The following OPA3 variants were observed in gnomAD, a reference collection of about 807,000 sequenced individuals.
The protein encoded by OPA3 is optic atrophy 3 protein.
Under a neutral mutation model 4.0 loss-of-function variants are expected in OPA3, and 6 were observed. The observed-to-expected ratio is 1.51, with a 90% CI of 0.83 to 2.99. The LOEUF (loss-of-function observed/expected upper bound fraction) is 2.99. OPA3 is among the 30% of genes most tolerant of loss of function. OPA3 has a pLI of 0.00. For missense variants in OPA3, 235 were observed against 256.2 expected, an observed-to-expected ratio of 0.92 and a Z score of 0.56; for synonymous variants, 105 against 117.1, an observed-to-expected ratio of 0.90 and a Z score of 0.67.
chr19:45,534,148 T>C (rs1431138227), intron 1 of OPA3, among the ~76,000 whole-genome samples: 1 of 152,352 alleles, frequency 6.6e-6, no homozygotes, highest in East Asian at 1.9e-4. Flanking sequence ...ACTCCTCTTA[T>C]TGGACTAAAG....
At chr19:45,543,808 A>G (rs1036758792), downstream of OPA3, among the ~76,000 whole-genome samples, 25 of 152,132 alleles carry the variant, frequency 1.6e-4, no homozygotes, top group African/African-American at 5.6e-4. Flanking sequence ...CGTTCACTCA[A>G]TATCATTACA....
In OPA3 at chr19:45,553,193, T is replaced by A; in HGVS notation, c.*321A>T. The A allele has an allele frequency of 7.5e-7, 1 of 1,334,448 alleles. No individual in the cohort carries two copies. 82.7% of individuals were successfully genotyped at this position (1,334,448 alleles called of 1,614,324 possible). On this transcript the variant is annotated 3_prime_UTR_variant, in exon 2 of 2. Transcript: ENST00000263275. ...GGGGGTGGGGGTAACAATAACACAT[T>A]GATTCAGCTCAAGACCAGGTTCCAT...
In OPA3 at chr19:45,533,106, G is replaced by A. The variant is rs944399634; in HGVS notation, c.143-3650C>T. ...GGGTTTCACCATGTTGGTCAGGCTGGTCTCGAACTCCCAACCTCAAATGAT... is the reference window on the plus strand; with the variant it reads ...GGGTTTCACCATGTTGGTCAGGCTGATCTCGAACTCCCAACCTCAAATGAT... On this transcript the variant is annotated intron_variant, in intron 1 of 1. Transcript: ENST00000323060. 3.3e-5 allele frequency among the ~76,000 whole-genome samples: 5 copies of A among 151,890 alleles called. No individual in the cohort carries two copies. In the South Asian group the frequency reaches 1.0e-3, roughly 32 times the overall value.
chr19:45,583,213 C>T (rs1256453768), intron 1 of OPA3, among the ~76,000 whole-genome samples: 2 of 151,918 alleles, frequency 1.3e-5, no homozygotes, highest in African/African-American at 2.4e-5. Flanking sequence ...TACAGTGTTA[C>T]GATCTCGGCT....
intron 1 of OPA3, among the ~76,000 whole-genome samples, chr19:45,572,453 A>G (rs1487625501): frequency 7.5e-6 from 1 of 133,648 alleles, no homozygotes; most frequent in Admixed American, 8.2e-5. Flanking sequence ...TCAATATATG[A>G]TATATATCAT....
At chr19:45,576,984 A>C (rs181918173) in intron 1 of OPA3, among the ~76,000 whole-genome samples, 2 of 152,314 alleles carry the variant, frequency 1.3e-5, no homozygotes, top group African/African-American at 4.8e-5. Context: ...AGTGCGCGCC[A>C]AAGGAATAAA....
At position 45,569,603 on chromosome 19, in the gene OPA3, T is replaced by C. The variant is rs547449485; in HGVS notation, c.142+15020A>G. On this transcript the variant is annotated intron_variant, in intron 1 of 1. Coordinates refer to ENST00000263275, the MANE Select transcript of OPA3 (RefSeq NM_025136.4). ...CGATACTCACCACTGCAACCTCCCATACACCAAGGGGTGGGAGGTGACCCG... is the reference window on the plus strand; with the variant it reads ...CGATACTCACCACTGCAACCTCCCACACACCAAGGGGTGGGAGGTGACCCG... 2.9e-4 allele frequency among the ~76,000 whole-genome samples: 44 copies of C among 152,210 alleles called. 1 individual carries two copies. In the South Asian group the frequency reaches 3.1e-3, roughly 11 times the overall value.
chr19:45,529,607 G>A (rs2122369017), intron 1 of OPA3: 2 of 905,716 alleles, frequency 2.2e-6, no homozygotes, highest in South Asian at 3.2e-5. Context: ...GAAGACAAGT[G>A]CAGGCCTCAC....
At chr19:45,556,337 G>A (rs543028631) in intron 1 of OPA3, among the ~76,000 whole-genome samples, 48 of 151,798 alleles carry the variant, frequency 3.2e-4, no homozygotes, top group African/African-American at 1.1e-3. Context: ...TAGAGATGGG[G>A]TCTTGCCATA....
chr19:45,556,503 C>T (rs930363170), intron 1 of OPA3, among the ~76,000 whole-genome samples: 2 of 151,450 alleles, frequency 1.3e-5, no homozygotes, highest in African/African-American at 4.9e-5. Context: ...ACTATAGATG[C>T]CCCACCATGC....
intron 1 of OPA3, among the ~76,000 whole-genome samples, chr19:45,577,021 G>A (rs921934886): frequency 9.2e-5 from 14 of 152,178 alleles, no homozygotes; most frequent in Admixed American, 6.6e-4. Flanking sequence ...TTTTCCTACT[G>A]CCCAGAGATA....
chr19:45,580,149 A>G (rs571823005), intron 1 of OPA3, among the ~76,000 whole-genome samples: 1 of 151,000 alleles, frequency 6.6e-6, no homozygotes, highest in Non-Finnish European at 1.5e-5. Flanking sequence ...GGCGCGTGCC[A>G]CCACGCCCAG....
At chr19:45,528,946 G>C in exon 2 of OPA3, 1 of 1,322,574 alleles carries the variant, frequency 7.6e-7, no homozygotes, top group Non-Finnish European at 1.0e-6. Flanking sequence ...CGAAGGACTG[G>C]GTGGTGTCAG....
chr19:45,566,781 C>T (rs12985803), intron 1 of OPA3, among the ~76,000 whole-genome samples: 42,526 of 151,900 alleles, frequency 0.28, 6,304 homozygotes, highest in Middle Eastern at 0.39. Flanking sequence ...GCTCAGCCAG[C>T]TGCTTATAAA....
intron 1 of OPA3, among the ~76,000 whole-genome samples, chr19:45,576,787 ACTGAC>A (rs1169056370): frequency 6.6e-6 from 1 of 152,090 alleles, no homozygotes; most frequent in African/African-American, 2.4e-5. Flanking sequence ...CTGTGATCAC[ACTGAC>A]CTGACCTGCA....
At chr19:45,583,345 G>A (rs111756156) in intron 1 of OPA3, among the ~76,000 whole-genome samples, 23,078 of 151,348 alleles carry the variant, frequency 0.15, 2,848 homozygotes, top group African/African-American at 0.32. Flanking sequence ...GTAGAGATGG[G>A]GTTTCACCGT....
At position 45,547,039 on chromosome 19, in the gene OPA3, G is replaced by T. The variant is rs1969259265; in HGVS notation, c.*6475C>A. On this transcript the variant is annotated 3_prime_UTR_variant, in exon 2 of 2. Coordinates refer to ENST00000263275, the MANE Select transcript of OPA3 (RefSeq NM_025136.4). ...GAGGTTCTGAGATCTGCGCGCAGTG[G>T]GGGTTACTGCTGAGCACTGGGGTCA... 1 of 152,248 alleles carries T rather than the reference G, an allele frequency of 6.6e-6. No individual in the cohort carries two copies. The highest frequency in any genetic ancestry group is 1.5e-5 in the Non-Finnish European group (1 of 68,106). The allele number at this position is 152,248 out of a possible 1,614,324, so 9.4% of individuals were successfully genotyped here.
intron 1 of OPA3, among the ~76,000 whole-genome samples, chr19:45,577,914 C>G (rs1386699722): frequency 6.6e-6 from 1 of 152,188 alleles, no homozygotes; most frequent in Non-Finnish European, 1.5e-5. Context: ...TATTCTAGAG[C>G]AGGGTCAGAA....
Position 45,553,266 on chromosome 19 carries a change from G to A in OPA3, c.*248C>T. ...ACGGTGTCCTGCTGGCTGGGACCTT[G>A]CAGGTCGTCCTGGTTTGGAGTGGGG... On this transcript the variant is annotated 3_prime_UTR_variant, in exon 2 of 2. Transcript: ENST00000263275. 1 of 1,422,874 alleles carries A rather than the reference G, an allele frequency of 7.0e-7. No individual in the cohort carries two copies. Among genetic ancestry groups the A allele is most frequent in the Non-Finnish European group, 9.2e-7 (1 of 1,091,642 alleles). 88.1% of individuals were successfully genotyped at this position (1,422,874 alleles called of 1,614,324 possible). A position where few individuals can be genotyped will look rare whatever the true frequency, so the allele number is the denominator to read the frequency against.
Sources: allele counts gnomAD v4.1 joint callset (sites outside exome capture counted in the v4.1 genomes callset), GRCh38; gene constraint gnomAD v4.1.1; transcripts MANE v1.5; gene names NCBI Gene and HGNC (gene_info 2026-07-23, HGNC 2026-07-21).